The following EP300 variants were observed in gnomAD, a reference collection of about 807,000 sequenced individuals.
EP300 encodes EP300 lysine acetyltransferase.
Under a neutral mutation model 264.0 loss-of-function variants are expected in EP300, and 31 were observed. The ratio of observed to expected loss-of-function variants is 0.12; its 90% CI spans 0.09 to 0.16. The LOEUF (loss-of-function observed/expected upper bound fraction) is 0.16, where lower values mean the gene tolerates loss of function less well. Ranked by LOEUF, EP300 falls within the 10% of genes least tolerant of loss-of-function variation. The pLI is 1.00. For synonymous variants in EP300, 1,340 were observed against 1,045.4 expected, an observed-to-expected ratio of 1.28 and a Z score of -5.44; for missense variants, 2,766 against 3,052.9, an observed-to-expected ratio of 0.91 and a Z score of 2.21.
At chr22:41,100,325 G>A in intron 1 of EP300, among the ~76,000 whole-genome samples, 1 of 150,038 alleles carries the variant, frequency 6.7e-6, no homozygotes, top group East Asian at 1.9e-4. Context: ...AAATGAAACG[G>A]GGTAAGGATG....
At position 41,177,819 on chromosome 22, in the gene EP300, A is replaced by G; in HGVS notation, c.6108A>G (p.Val2036=). 2 of 1,614,090 alleles carry G rather than the reference A, an allele frequency of 1.2e-6. No individual in the cohort carries two copies. Among genetic ancestry groups the G allele is most frequent in the South Asian group, 1.1e-5 (1 of 91,084 alleles). ...CTCCACAACCAGGATTGGGCCAGGTAGGTATCAGCCCACTCAAACCAGGCA... is the reference window on the plus strand; with the variant it reads ...CTCCACAACCAGGATTGGGCCAGGTGGGTATCAGCCCACTCAAACCAGGCA... ...NMAPQPGLGQ[V]GISPLKPGTV... is the part of the protein sequence containing the mutation. The change falls in exon 31 of 31, where the codon GTA becomes GTG. Residue 2036 remains valine (V), a synonymous_variant. Coordinates refer to ENST00000263253, the MANE Select transcript of EP300 (RefSeq NM_001429.4).
chr22:41,169,492 A>T lies in EP300; in HGVS notation c.4173-11A>T. The T allele has an allele frequency of 6.4e-7, 1 of 1,563,156 alleles. No individual in the cohort carries two copies. The highest frequency in any genetic ancestry group is 2.2e-5 in the East Asian group (1 of 44,644). On this transcript the variant is annotated splice_polypyrimidine_tract_variant and intron_variant, in intron 25 of 30. Coordinates refer to ENST00000263253, the MANE Select transcript of EP300 (RefSeq NM_001429.4). ...TTTTTTTTCCTCTTCATTTCTCTTC[A>T]TTTTGTATAGGAGAGTATACATATC... is the stretch of plus-strand genomic sequence containing the variant.
At chr22:41,113,206 C>G (rs530049891) in intron 1 of EP300, among the ~76,000 whole-genome samples, 1 of 134,538 alleles carries the variant, frequency 7.4e-6, no homozygotes, top group Non-Finnish European at 1.5e-5. Flanking sequence ...CTGGGACATT[C>G]CATATCCTAT....
rs542696655 is a variant in EP300, at chr22:41,133,482, A to G, written c.1528+1849A>G. Among the ~76,000 whole-genome samples the G allele has an allele frequency of 4.6e-5, 7 of 152,284 alleles. No individual in the cohort carries two copies. The East Asian group carries it at 9.6e-4, about 21-fold the overall frequency. On this transcript the variant is annotated intron_variant, in intron 6 of 30. Transcript: ENST00000263253. ...GATTATTTTTTAATACAGATTGAGT[A>G]TCCCTTTTCCTAAATGCTTGAAAGC...
intron 16 of EP300, 83 bp from the exon 17 acceptor site, chr22:41,154,912 T>C (rs1467657302): frequency 1.1e-6 from 1 of 937,822 alleles, no homozygotes; most frequent in Non-Finnish European, 1.7e-6. Flanking sequence ...CTTGAGATGC[T>C]TTTAGAGCTT....
intron 3 of EP300, 38 bp from the exon 4 acceptor site, chr22:41,127,449 A>C (rs767537096): frequency 1.2e-6 from 2 of 1,612,352 alleles, no homozygotes; most frequent in South Asian, 2.2e-5. Context: ...ATAGCACATT[A>C]TGACTCCTAC....
At chr22:41,167,839 T>TG (rs2059148629) in intron 23 of EP300, among the ~76,000 whole-genome samples, 2 of 97,514 alleles carry the variant, frequency 2.1e-5, no homozygotes, top group Non-Finnish European at 4.2e-5. Flanking sequence ...TTTTTTTTTT[T>TG]TTTTTTTTTT....
In EP300 at chr22:41,092,603, G is replaced by A; in HGVS notation, c.-402G>A. On this transcript the variant is annotated 5_prime_UTR_variant, in exon 1 of 31. Coordinates refer to ENST00000263253, the MANE Select transcript of EP300 (RefSeq NM_001429.4). ...CTCCTTGTGGCGATGAGAAGGAGGA[G>A]GACAGCGCCGAGGAGGAAGAGGTTG... The A allele has an allele frequency of 1.6e-6, 1 of 617,180 alleles. No homozygotes were observed. Among genetic ancestry groups the A allele is most frequent in the Non-Finnish European group, 2.9e-6 (1 of 340,174 alleles). 38.2% of individuals were successfully genotyped at this position (617,180 alleles called of 1,614,324 possible).
chr22:41,160,566 G>T, intron 19 of EP300, 76 bp from the exon 20 acceptor site: 2 of 1,407,588 alleles, frequency 1.4e-6, no homozygotes, highest in Non-Finnish European at 2.0e-6. Context: ...TGCTGTGATT[G>T]GTGGCTTCGT....
At chr22:41,155,346 A>G (rs2059071074) in intron 17 of EP300, among the ~76,000 whole-genome samples, 2 of 151,842 alleles carry the variant, frequency 1.3e-5, no homozygotes, top group Non-Finnish European at 2.9e-5. Context: ...CTCCCACCTC[A>G]GCATCCTGAG....
chr22:41,097,897 T>C (rs547257351), intron 1 of EP300, among the ~76,000 whole-genome samples: 1 of 152,164 alleles, frequency 6.6e-6, no homozygotes, highest in African/African-American at 2.4e-5. Context: ...GGTTTCACCA[T>C]GTTGGCCATG....
chr22:41,171,610 T>C (rs1348243685), intron 27 of EP300, among the ~76,000 whole-genome samples: 1 of 151,934 alleles, frequency 6.6e-6, no homozygotes, highest in Non-Finnish European at 1.5e-5. Flanking sequence ...GTGCTAGGAT[T>C]ATAGGCATGA....
At position 41,176,577 on chromosome 22, in the gene EP300, C is replaced by T. The variant is rs1435405676; in HGVS notation, c.5061+49C>T. On this transcript the variant is annotated intron_variant, in intron 30 of 30. Coordinates refer to ENST00000263253, the MANE Select transcript of EP300 (RefSeq NM_001429.4). ...AGGAGGTGAGCTCCGCAGGGTTGTT[C>T]TGAGGGGCCATGCAGCCACGTATTT... 1.9e-6 allele frequency: 3 copies of T among 1,611,942 alleles called. No individual in the cohort carries two copies. The South Asian group carries it at 3.3e-5, about 18-fold the overall frequency.
chr22:41,148,301 C>G (rs1041768144), intron 12 of EP300, among the ~76,000 whole-genome samples: 2 of 152,170 alleles, frequency 1.3e-5, no homozygotes, highest in Non-Finnish European at 2.9e-5. Context: ...GCTCCTTATG[C>G]GAACTCTTAA....
intron 16 of EP300, 142 bp downstream of exon 16, chr22:41,152,492 A>G (rs995245273): frequency 5.6e-5 from 48 of 860,032 alleles, no homozygotes; most frequent in Admixed American, 8.7e-5. Context: ...TGGTCTCTTC[A>G]TTGTTACTAA....
intron 7 of EP300, 107 bp downstream of exon 7, chr22:41,136,013 G>C: frequency 9.4e-6 from 8 of 854,304 alleles, no homozygotes; most frequent in Non-Finnish European, 1.6e-5. Context: ...GGATGTCTTT[G>C]AATACAGATA....
chr22:41,160,616 C>G (rs767938170), intron 19 of EP300, 26 bp from the exon 20 acceptor site: 2 of 1,611,484 alleles, frequency 1.2e-6, no homozygotes, highest in East Asian at 4.5e-5. Flanking sequence ...GAACAGTTCA[C>G]CCCAGTATGG....
intron 1 of EP300, 25 bp from the exon 2 acceptor site, chr22:41,117,162 C>G (rs759997403): frequency 6.8e-6 from 11 of 1,609,074 alleles, no homozygotes; most frequent in Non-Finnish European, 9.4e-6. Flanking sequence ...ATACTTTGAC[C>G]TTTGTCTTTT....
chr22:41,154,219 G>A (rs574090872), intron 16 of EP300, among the ~76,000 whole-genome samples: 196 of 152,034 alleles, frequency 1.3e-3, no homozygotes, highest in African/African-American at 4.7e-3. Flanking sequence ...GCATTTGAAC[G>A]AAGGAGTCTT....
Sources: gnomAD v4.1 joint callset for allele counts (sites outside exome capture counted in the v4.1 genomes callset) on GRCh38, gnomAD v4.1.1 for gene constraint, MANE v1.5 for transcripts, NCBI Gene and HGNC (gene_info 2026-07-23, HGNC 2026-07-21) for gene names.